The following HTN3 variants were observed in gnomAD, a reference collection of about 807,000 sequenced individuals.
HTN3 encodes histatin 3.
In HTN3, 15 loss-of-function variants were observed where a neutral mutation model predicts 10.6. The ratio of observed to expected loss-of-function variants is 1.42; its 90% CI spans 0.95 to 2.18. The LOEUF (loss-of-function observed/expected upper bound fraction) is 2.18. HTN3 is among the 30% of genes most tolerant of loss of function. HTN3 has a pLI of 0.00. For missense variants in HTN3, 68 were observed against 58.0 expected (o/e 1.17, Z -0.56); for synonymous variants, 15 against 16.9 (o/e 0.89, Z 0.27).
At position 70,033,268 on chromosome 4, in the gene HTN3, GTTACT is replaced by G. The variant is rs776630193; in HGVS notation, c.*33+18_*33+22del. 2.5e-6 allele frequency: 3 copies of G among 1,202,236 alleles called. No individual in the cohort carries two copies. Among genetic ancestry groups the G allele is most frequent in the Middle Eastern group, 1.9e-4 (1 of 5,212 alleles). 74.5% of individuals were successfully genotyped at this position (1,202,236 alleles called of 1,614,324 possible). A position where few individuals can be genotyped will look rare whatever the true frequency, so the allele number is the denominator to read the frequency against. ...TGATTATGGAGGTAAGCTGACTCTA[GTTACT>G]TTTCTTTCTAGAAGTATCAACACTG... is the stretch of plus-strand genomic sequence containing the variant. On this transcript the variant is annotated intron_variant, in intron 5 of 5. Coordinates refer to ENST00000673563, the MANE Select transcript of HTN3 (RefSeq NM_000200.3).
At chr4:70,032,210 T>C in intron 4 of HTN3, 103 bp downstream of exon 4, 2 of 809,074 alleles carry the variant, frequency 2.5e-6, no homozygotes, top group Non-Finnish European at 4.0e-6. Flanking sequence ...ATTTATATCA[T>C]TAATTGCTAA....
intron 5 of HTN3, 91 bp downstream of exon 5, chr4:70,033,344 A>C: frequency 1.6e-6 from 1 of 630,170 alleles, no homozygotes. Flanking sequence ...TAAGCCAACA[A>C]TCATTCCAGT....
At chr4:70,035,190 C>A (rs969457387) in intron 5 of HTN3, among the ~76,000 whole-genome samples, 1 of 152,056 alleles carries the variant, frequency 6.6e-6, no homozygotes, top group East Asian at 1.9e-4. Context: ...AATAAAAATG[C>A]CTCTGAGGGA....
rs374477387 is a variant in HTN3 at position 70,033,162 on chromosome 4, T to G, written c.103-5T>G. On this transcript the variant is annotated splice_region_variant and splice_polypyrimidine_tract_variant and intron_variant, in intron 4 of 5. Coordinates refer to ENST00000673563, the MANE Select transcript of HTN3 (RefSeq NM_000200.3). The stretch of plus-strand genomic sequence containing the variant: ...AATTTGCTCTCTCCTTTTGTGTGTA[T>G]GCAGGAAAAGCATCATTCACATCGA... The G allele has an allele frequency of 1.9e-6, 3 of 1,603,588 alleles. No individual in the cohort carries two copies. Among genetic ancestry groups the G allele is most frequent in the East Asian group, 2.2e-5 (1 of 44,712 alleles).
intron 2 of HTN3, chr4:70,031,056 A>G (rs537660793): frequency 3.3e-6 from 1 of 300,790 alleles, no homozygotes; most frequent in Admixed American, 5.1e-5. Context: ...TGTGGGACTG[A>G]GAACTGTGAA....
At chr4:70,033,353 G>T in intron 5 of HTN3, 100 bp downstream of exon 5, 1 of 612,236 alleles carries the variant, frequency 1.6e-6, no homozygotes. Flanking sequence ...AATCATTCCA[G>T]TTTAAGAAAT....
At chr4:70,031,435 G>T (rs776850) in intron 2 of HTN3, 5,150 of 152,874 alleles carry the variant, frequency 0.034, 271 homozygotes, top group African/African-American at 0.11. Context: ...ATAGAAAATT[G>T]GTCACAAAAG....
At chr4:70,034,103 CCT>C (rs960334891) in intron 5 of HTN3, 7 of 151,922 alleles carry the variant, frequency 4.6e-5, no homozygotes, top group African/African-American at 1.7e-4. Context: ...AAAAAAAGAC[CCT>C]AGAAGAAAAC....
At chr4:70,030,851 T>G in intron 2 of HTN3, 60 bp downstream of exon 2, 1 of 1,283,476 alleles carries the variant, frequency 7.8e-7, no homozygotes. Context: ...AGGATCTTTC[T>G]TATTCCTTAC....
In HTN3 at chr4:70,030,739, C is replaced by T; in HGVS notation, c.-2C>T. On this transcript the variant is annotated 5_prime_UTR_variant, in exon 2 of 6. Transcript: ENST00000673563. ...GTTTGATTTTATAGGACTCAGCCAA[C>T]TATGAAGTTTTTTGTTTTTGCTTTA... 1 of 1,608,498 alleles carries T rather than the reference C, an allele frequency of 6.2e-7. No homozygotes were observed. Among genetic ancestry groups the T allele is most frequent in the Non-Finnish European group, 8.5e-7 (1 of 1,175,214 alleles).
chr4:70,032,348 G>A (rs1444154500), intron 4 of HTN3, among the ~76,000 whole-genome samples: 1 of 151,994 alleles, frequency 6.6e-6, no homozygotes. Flanking sequence ...TTCTTTGAGA[G>A]CTTAAGTATC....
chr4:70,033,245 A>C lies in HTN3; in HGVS notation c.*25A>C. ...ATATCTTCAGTAATCACGGGGCATG[A>C]TTATGGAGGTAAGCTGACTCTAGTT... is the stretch of plus-strand genomic sequence containing the variant. On this transcript the variant is annotated 3_prime_UTR_variant, in exon 5 of 6. Transcript: ENST00000673563. The C allele has an allele frequency of 7.1e-7, 1 of 1,415,672 alleles. No individual in the cohort carries two copies. The highest frequency in any genetic ancestry group is 9.9e-7 in the Non-Finnish European group (1 of 1,007,886). The allele number at this position is 1,415,672 out of a possible 1,614,324, so 87.7% of individuals were successfully genotyped here.
intron 5 of HTN3, among the ~76,000 whole-genome samples, chr4:70,035,063 C>T (rs144769540): frequency 1.1e-3 from 163 of 152,110 alleles, no homozygotes; most frequent in African/African-American, 3.7e-3. Context: ...CAGAAGGTAA[C>T]ATAGAGGGCT....
intron 5 of HTN3, chr4:70,033,679 G>C (rs1725440678): frequency 6.6e-6 from 1 of 152,272 alleles, no homozygotes; most frequent in Non-Finnish European, 1.5e-5. Flanking sequence ...GAATAGCATT[G>C]AATCTATAAA....
chr4:70,034,255 T>G (rs1725455585), intron 5 of HTN3: 2 of 152,076 alleles, frequency 1.3e-5, no homozygotes, highest in South Asian at 4.1e-4. Context: ...GAAACTATCA[T>G]CAGAGTGAAC....
At chr4:70,028,908 T>A (rs1423331163) in intron 1 of HTN3, among the ~76,000 whole-genome samples, 3 of 152,094 alleles carry the variant, frequency 2.0e-5, no homozygotes, top group Non-Finnish European at 4.4e-5. Flanking sequence ...AAAATTTATT[T>A]TTTAATTTAC....
At chr4:70,033,515 C>A (rs185078211) in intron 5 of HTN3, 61 of 233,028 alleles carry the variant, frequency 2.6e-4, no homozygotes, top group Non-Finnish European at 2.5e-5. Context: ...TAACCGTAGC[C>A]TTGTAGGGTA....
Position 70,031,864 on chromosome 4 carries a change from C to G in HTN3, c.52-115C>G, listed in dbSNP as rs151232248. ...AATAACTAATTTAGCATGTCATCAT[C>G]CAAAGAATGCCTCCATTCTATTTAA... On this transcript the variant is annotated intron_variant, in intron 2 of 5. Coordinates refer to ENST00000673563, the MANE Select transcript of HTN3 (RefSeq NM_000200.3). The G allele has an allele frequency of 6.5e-4, 470 of 718,192 alleles. 4 individuals carry two copies. The African/African-American group carries it at 7.7e-3, about 12-fold the overall frequency. The allele number at this position is 718,192 out of a possible 1,614,324, so 44.5% of individuals were successfully genotyped here.
At chr4:70,034,864 G>A (rs770410592) in intron 5 of HTN3, among the ~76,000 whole-genome samples, 25 of 152,096 alleles carry the variant, frequency 1.6e-4, no homozygotes, top group Non-Finnish European at 3.2e-4. Flanking sequence ...AACACTATGC[G>A]GTCATTAAAA....
Sources: gnomAD v4.1 joint callset for allele counts (sites outside exome capture counted in the v4.1 genomes callset) on GRCh38, gnomAD v4.1.1 for gene constraint, MANE v1.5 for transcripts, NCBI Gene and HGNC (gene_info 2026-07-23, HGNC 2026-07-21) for gene names.